Variants in GALNT13 observed in about 807,000 individuals in gnomAD.
The protein encoded by GALNT13 is polypeptide N-acetylgalactosaminyltransferase 13, also known as UDP-GalNAc:polypeptide N-acetylgalactosaminyltransferase 13.
In GALNT13, 28 loss-of-function variants were observed where a neutral mutation model predicts 64.2. The ratio of observed to expected loss-of-function variants is 0.44; its 90% confidence interval spans 0.32 to 0.60. The LOEUF is 0.60. GALNT13 is among the 20% of genes least tolerant of loss of function. GALNT13 has a pLI of 0.05. For synonymous variants in GALNT13, 214 were observed against 224.6 expected, an observed-to-expected ratio of 0.95 and a Z score of 0.42; for missense variants, 577 against 669.8, an observed-to-expected ratio of 0.86 and a Z score of 1.53.
the GALNT13 span, among the ~76,000 whole-genome samples, chr2:153,201,161 G>A: frequency 0.32 from 49,007 of 152,054 alleles, 8,373 homozygotes; most frequent in Middle Eastern, 0.43. Flanking sequence ...CCATCTGCCT[G>A]TCCCTGCAGT....
the GALNT13 span, among the ~76,000 whole-genome samples, chr2:153,313,539 C>T: frequency 6.6e-6 from 1 of 150,872 alleles, no homozygotes; most frequent in Non-Finnish European, 1.5e-5. Flanking sequence ...ACACTGGGGC[C>T]TATCAGAGGG....
At chr2:154,443,072 G>C (rs1701384432) in intron 12 of GALNT13, among the ~76,000 whole-genome samples, 1 of 151,986 alleles carries the variant, frequency 6.6e-6, no homozygotes, top group Non-Finnish European at 1.5e-5. Context: ...ATAATTTCAA[G>C]GTAAGTGATC....
chr2:153,202,499 A>G, the GALNT13 span, among the ~76,000 whole-genome samples: 1 of 152,222 alleles, frequency 6.6e-6, no homozygotes, highest in Non-Finnish European at 1.5e-5. Context: ...ACACATACAA[A>G]TTCTGTGGAA....
chr2:153,628,469 A>G, the GALNT13 span, among the ~76,000 whole-genome samples: 5 of 151,772 alleles, frequency 3.3e-5, no homozygotes, highest in African/African-American at 1.2e-4. Context: ...TCAGTATGAT[A>G]TTGGCTGTGG....
At chr2:153,554,142 C>A in the GALNT13 span, among the ~76,000 whole-genome samples, 1 of 149,452 alleles carries the variant, frequency 6.7e-6, no homozygotes, top group African/African-American at 2.5e-5. Flanking sequence ...CGGTGAAACC[C>A]TGTCTCTACT....
At chr2:153,740,749 G>T in the GALNT13 span, among the ~76,000 whole-genome samples, 1 of 151,990 alleles carries the variant, frequency 6.6e-6, no homozygotes, top group East Asian at 1.9e-4. Flanking sequence ...CTGATTTTTG[G>T]GTGACAGCTC....
chr2:153,719,667 G>A, the GALNT13 span, among the ~76,000 whole-genome samples: 2 of 152,162 alleles, frequency 1.3e-5, no homozygotes, highest in Non-Finnish European at 2.9e-5. Flanking sequence ...AGGGGTCAGG[G>A]AGTTCCCTTT....
At chr2:153,412,295 C>T in the GALNT13 span, among the ~76,000 whole-genome samples, 2 of 152,178 alleles carry the variant, frequency 1.3e-5, no homozygotes, top group African/African-American at 4.8e-5. Context: ...TCAAATCTCA[C>T]CTCCGTCACT....
chr2:153,141,247 A>G, the GALNT13 span, among the ~76,000 whole-genome samples: 1,881 of 152,090 alleles, frequency 0.012, 11 homozygotes, highest in Non-Finnish European at 0.021. Context: ...TAGTATGGAT[A>G]TATGGCCACT....
intron 4 of GALNT13, among the ~76,000 whole-genome samples, chr2:154,196,295 C>A (rs77164843): frequency 0.051 from 7,814 of 151,872 alleles, 694 homozygotes; most frequent in African/African-American, 0.18. Flanking sequence ...GAACTCTGGG[C>A]TTTTTAATTC....
At chr2:153,946,906 T>C (rs538545467) in intron 3 of GALNT13, among the ~76,000 whole-genome samples, 5 of 152,264 alleles carry the variant, frequency 3.3e-5, no homozygotes, top group Non-Finnish European at 5.9e-5. Context: ...GTTTGCACCT[T>C]GTTTTCAAAA....
chr2:153,081,228 A>G, the GALNT13 span, among the ~76,000 whole-genome samples: 1 of 151,090 alleles, frequency 6.6e-6, no homozygotes, highest in Non-Finnish European at 1.5e-5. Context: ...TTTATTTTTA[A>G]TTTTTTTTGG....
At chr2:154,311,961 TC>T (rs2105131623) in intron 9 of GALNT13, among the ~76,000 whole-genome samples, 1 of 152,340 alleles carries the variant, frequency 6.6e-6, no homozygotes, top group East Asian at 1.9e-4. Flanking sequence ...GTTATCCTGT[TC>T]TTTTTTCAGG....
At chr2:154,214,594 G>T (rs550959138) in intron 4 of GALNT13, among the ~76,000 whole-genome samples, 2 of 152,180 alleles carry the variant, frequency 1.3e-5, no homozygotes, top group Admixed American at 6.5e-5. Flanking sequence ...ATGTTCTCAT[G>T]ATAGTGAGTG....
At chr2:154,117,825 T>C (rs1346438210) in intron 3 of GALNT13, among the ~76,000 whole-genome samples, 1 of 152,216 alleles carries the variant, frequency 6.6e-6, no homozygotes, top group Non-Finnish European at 1.5e-5. Context: ...TGTCACCTTA[T>C]ATGAAATAAA....
intron 3 of GALNT13, among the ~76,000 whole-genome samples, chr2:154,072,850 C>T (rs1221539107): frequency 1.3e-5 from 2 of 151,834 alleles, no homozygotes; most frequent in African/African-American, 4.8e-5. Flanking sequence ...GAAATTTCTT[C>T]TAAAAGAATA....
intron 10 of GALNT13, among the ~76,000 whole-genome samples, chr2:154,396,697 G>A (rs560766893): frequency 3.3e-5 from 5 of 152,056 alleles, no homozygotes; most frequent in Admixed American, 6.5e-5. Flanking sequence ...TGCAATACAA[G>A]GCAGTCTATT....
the GALNT13 span, among the ~76,000 whole-genome samples, chr2:153,241,917 T>C: frequency 2.0e-5 from 3 of 152,050 alleles, no homozygotes; most frequent in South Asian, 2.1e-4. Flanking sequence ...TGGTCAGTTA[T>C]GAACTTTGCT....
chr2:153,791,348 GTTA>G, the GALNT13 span, among the ~76,000 whole-genome samples: 1 of 152,090 alleles, frequency 6.6e-6, no homozygotes, highest in Non-Finnish European at 1.5e-5. Context: ...AGTCATAATG[GTTA>G]TTATTAAGTT....
Sources: allele counts gnomAD v4.1 joint callset (sites outside exome capture counted in the v4.1 genomes callset), GRCh38; gene constraint gnomAD v4.1.1; transcripts MANE v1.5; gene names NCBI Gene and HGNC (gene_info 2026-07-23, HGNC 2026-07-21).